The following COL5A2 variants were observed in gnomAD, a reference collection of about 807,000 sequenced individuals.
COL5A2 encodes collagen alpha-2(V) chain.
Under a neutral mutation model 208.2 loss-of-function variants are expected in COL5A2, and 23 were observed. The ratio of observed to expected loss-of-function variants is 0.11; its 90% CI spans 0.08 to 0.16. COL5A2 has a LOEUF of 0.16. Ranked by LOEUF, COL5A2 falls within the 10% of genes least tolerant of loss-of-function variation. The probability of loss-of-function intolerance (pLI) is 1.00; values close to 1 mark genes in which losing one functional copy is unlikely to be tolerated. For synonymous variants in COL5A2, 625 were observed against 628.5 expected, an observed-to-expected ratio of 0.99 and a Z score of 0.08; for missense variants, 1,590 against 1,956.4, an observed-to-expected ratio of 0.81 and a Z score of 3.53.
chr2:189,045,699 C>T (rs979809436), intron 46 of COL5A2, 101 bp downstream of exon 46: 15 of 904,198 alleles, frequency 1.7e-5, no homozygotes, highest in African/African-American at 4.9e-5. Flanking sequence ...GAGTCCTTAA[C>T]GAAGTGCACA....
the COL5A2 span, among the ~76,000 whole-genome samples, chr2:189,317,594 T>C: frequency 1.5e-4 from 23 of 152,324 alleles, no homozygotes; most frequent in African/African-American, 5.3e-4. Flanking sequence ...AGTTTATTTC[T>C]ACATATTACC....
the COL5A2 span, among the ~76,000 whole-genome samples, chr2:189,425,613 CAT>C: frequency 2.0e-5 from 3 of 152,178 alleles, no homozygotes; most frequent in Non-Finnish European, 4.4e-5. Flanking sequence ...ACAAATACCA[CAT>C]GATACAATTT....
At chr2:189,083,000 G>A (rs1046240877) in intron 12 of COL5A2, among the ~76,000 whole-genome samples, 8 of 152,182 alleles carry the variant, frequency 5.3e-5, no homozygotes, top group African/African-American at 1.9e-4. Flanking sequence ...AGATAAGGGA[G>A]CATTCATTTG....
chr2:189,099,486 A>G (rs1378058399), intron 4 of COL5A2, among the ~76,000 whole-genome samples: 1 of 152,080 alleles, frequency 6.6e-6, no homozygotes, highest in Admixed American at 6.6e-5. Context: ...TTAGCCAGGC[A>G]TGGTGGCTCT....
At chr2:189,380,517 T>C in the COL5A2 span, among the ~76,000 whole-genome samples, 2 of 151,926 alleles carry the variant, frequency 1.3e-5, no homozygotes, top group Non-Finnish European at 2.9e-5. Context: ...AGGCAAATGA[T>C]GTGTTCCATC....
intron 2 of COL5A2, among the ~76,000 whole-genome samples, chr2:189,106,655 T>C (rs750062761): frequency 6.6e-6 from 1 of 151,354 alleles, no homozygotes; most frequent in Non-Finnish European, 1.5e-5. Context: ...ATGGTGATAA[T>C]GGATACTCAG....
chr2:189,318,116 T>G, the COL5A2 span, among the ~76,000 whole-genome samples: 1 of 152,234 alleles, frequency 6.6e-6, no homozygotes, highest in Non-Finnish European at 1.5e-5. Flanking sequence ...TTCTAAACTC[T>G]GTATCTGACC....
the COL5A2 span, among the ~76,000 whole-genome samples, chr2:189,293,278 C>T: frequency 2.0e-5 from 3 of 151,954 alleles, no homozygotes; most frequent in African/African-American, 4.8e-5. Flanking sequence ...AAAAAAAGAG[C>T]CTGCGTGCAC....
At chr2:189,348,774 G>T in the COL5A2 span, among the ~76,000 whole-genome samples, 1 of 152,154 alleles carries the variant, frequency 6.6e-6, no homozygotes, top group Non-Finnish European at 1.5e-5. Flanking sequence ...TGACTAATTG[G>T]CAGGGTCTGC....
At chr2:189,088,557 TTAAA>T (rs1054970548) in intron 8 of COL5A2, 134 bp downstream of exon 8, 13 of 456,808 alleles carry the variant, frequency 2.8e-5, no homozygotes, top group African/African-American at 2.3e-4. Flanking sequence ...AATAAGTTAA[TTAAA>T]TGAATGAATG....
chr2:189,201,048 G>A (rs977832595), intron 1 of COL5A2, among the ~76,000 whole-genome samples: 3 of 151,948 alleles, frequency 2.0e-5, no homozygotes, highest in Non-Finnish European at 2.9e-5. Context: ...AATAGTTAAA[G>A]TGAAGGTAAA....
the COL5A2 span, among the ~76,000 whole-genome samples, chr2:189,355,572 G>A: frequency 6.6e-6 from 1 of 152,126 alleles, no homozygotes; most frequent in Non-Finnish European, 1.5e-5. Context: ...TTGGTTTAAA[G>A]TCTGTTTTAT....
At chr2:189,195,455 A>ATTAG (rs1483118875) in intron 1 of COL5A2, among the ~76,000 whole-genome samples, 1 of 152,188 alleles carries the variant, frequency 6.6e-6, no homozygotes, top group Non-Finnish European at 1.5e-5. Context: ...CAGAATTAGA[A>ATTAG]AAAAATTACT....
At chr2:189,380,112 T>A in the COL5A2 span, among the ~76,000 whole-genome samples, 2 of 151,966 alleles carry the variant, frequency 1.3e-5, no homozygotes, top group African/African-American at 4.8e-5. Context: ...TGAATTTTGC[T>A]TGTGGGCAAA....
chr2:189,344,935 C>T, the COL5A2 span, among the ~76,000 whole-genome samples: 1 of 152,188 alleles, frequency 6.6e-6, no homozygotes, highest in Non-Finnish European at 1.5e-5. Context: ...AAATGTGTTA[C>T]TGAAACACCA....
At chr2:189,180,145 T>C (rs996179684), upstream of COL5A2, among the ~76,000 whole-genome samples, 2 of 152,146 alleles carry the variant, frequency 1.3e-5, no homozygotes, top group African/African-American at 4.8e-5. Flanking sequence ...ACCCTAGTTT[T>C]TTTACATTTA....
Position 189,209,484 on chromosome 2 carries a change from T to C in COL5A2, c.-42+15664A>G, listed in dbSNP as rs927987325. On this transcript the variant is annotated intron_variant, in intron 1 of 10. Coordinates refer to the COL5A2 transcript ENST00000649966. ...CCCATGACAGAGGTACTATACTTAT[T>C]TCCATTTTATAGACCAGAAATCTGA... Among the ~76,000 whole-genome samples, 10 of 152,328 alleles carry C rather than the reference T, an allele frequency of 6.6e-5. No individual in the cohort carries two copies. The East Asian group carries it at 1.3e-3, about 21-fold the overall frequency.
chr2:189,170,569 C>CAAAAGTTAGATGTGGGAACAGTA, intron 1 of COL5A2, among the ~76,000 whole-genome samples: 1 of 152,072 alleles, frequency 6.6e-6, no homozygotes, highest in Admixed American at 6.5e-5. Context: ...ACCTAAATCG[C>CAAAAGTTAGATGTGGGAACAGTA]AAAAGTTAGA....
At chr2:189,407,044 G>A in the COL5A2 span, among the ~76,000 whole-genome samples, 3 of 152,048 alleles carry the variant, frequency 2.0e-5, no homozygotes, top group Non-Finnish European at 4.4e-5. Flanking sequence ...TATACTGTCT[G>A]TACTGGCCAA....
Sources: allele counts gnomAD v4.1 joint callset (sites outside exome capture counted in the v4.1 genomes callset), GRCh38; gene constraint gnomAD v4.1.1; transcripts MANE v1.5; gene names NCBI Gene and HGNC (gene_info 2026-07-23, HGNC 2026-07-21).